The following KAZN variants were observed in gnomAD, a reference collection of about 807,000 sequenced individuals.
The protein encoded by KAZN is kazrin.
Under a neutral mutation model 87.4 loss-of-function variants are expected in KAZN, and 40 were observed. That is an observed-to-expected ratio of 0.46 (90% CI 0.36 to 0.60). The LOEUF (loss-of-function observed/expected upper bound fraction) is 0.60. KAZN is among the 20% of genes least tolerant of loss of function. The probability of loss-of-function intolerance (pLI) is 0.00; values close to 1 mark genes in which losing one functional copy is unlikely to be tolerated. For synonymous variants in KAZN, 466 were observed against 458.3 expected, an observed-to-expected ratio of 1.02 and a Z score of -0.22; for missense variants, 898 against 1,073.9, an observed-to-expected ratio of 0.84 and a Z score of 2.29.
intron 1 of KAZN, among the ~76,000 whole-genome samples, chr1:14,019,515 C>A (rs533904060): frequency 3.7e-4 from 57 of 152,262 alleles, no homozygotes; most frequent in African/African-American, 1.3e-3. Flanking sequence ...TACATCTTAT[C>A]CAGGTCCCCT....
chr1:15,020,865 T>G (rs529923974), intron 2 of KAZN, among the ~76,000 whole-genome samples: 2 of 152,134 alleles, frequency 1.3e-5, no homozygotes, highest in East Asian at 3.9e-4. Flanking sequence ...CACATCACTC[T>G]AAGGAGCGGC....
chr1:14,483,588 GA>G (rs1669193526), intron 2 of KAZN, among the ~76,000 whole-genome samples: 1 of 152,182 alleles, frequency 6.6e-6, no homozygotes, highest in Non-Finnish European at 1.5e-5. Flanking sequence ...AGAGTCTTAA[GA>G]GGTTTTGCGA....
chr1:14,523,276 A>G (rs4279844), intron 2 of KAZN, among the ~76,000 whole-genome samples: 147,414 of 152,244 alleles, frequency 0.97, 71,544 homozygotes, highest in East Asian at 1. Context: ...TTCTTCAAAG[A>G]TTCTCTCGCT....
At chr1:14,453,050 G>A (rs1018917988) in intron 2 of KAZN, among the ~76,000 whole-genome samples, 15 of 152,188 alleles carry the variant, frequency 9.9e-5, no homozygotes, top group African/African-American at 3.6e-4. Flanking sequence ...CTGCCTCCCG[G>A]GTTTATGCCA....
intron 1 of KAZN, among the ~76,000 whole-genome samples, chr1:14,789,996 T>TTTTTTTC (rs1460442088): frequency 1.3e-5 from 2 of 151,882 alleles, no homozygotes; most frequent in Non-Finnish European, 2.9e-5. Flanking sequence ...TGAATTTCTT[T>TTTTTTTC]TTTTTTCTTT....
intron 1 of KAZN, among the ~76,000 whole-genome samples, chr1:13,945,473 CAAAA>C (rs35661143): frequency 2.7e-5 from 3 of 110,290 alleles, no homozygotes; most frequent in Non-Finnish European, 3.9e-5. Flanking sequence ...GAGTCCGTCT[CAAAA>C]AAAAAAAAAA....
At chr1:14,181,372 T>C (rs1322040152) in intron 2 of KAZN, among the ~76,000 whole-genome samples, 1 of 152,266 alleles carries the variant, frequency 6.6e-6, no homozygotes, top group Non-Finnish European at 1.5e-5. Flanking sequence ...CTGTTCAGCA[T>C]TGCTGAGGTC....
chr1:14,042,543 C>T (rs2101408405), intron 1 of KAZN, among the ~76,000 whole-genome samples: 1 of 152,352 alleles, frequency 6.6e-6, no homozygotes, highest in South Asian at 2.1e-4. Context: ...ATTTAACTTT[C>T]TTCTGCTCAC....
chr1:14,748,866 T>C (rs1644333800), intron 1 of KAZN, among the ~76,000 whole-genome samples: 1 of 152,188 alleles, frequency 6.6e-6, no homozygotes. Flanking sequence ...AGTACTGACC[T>C]GACCCCTTAC....
rs1266239255 is a variant in KAZN at position 14,459,390 on chromosome 1, G to A, written c.250-139593G>A. The stretch of plus-strand genomic sequence containing the variant: ...AGGCTCTTTGTGTGATTAATGTGAG[G>A]CAGAAATTGTGGCCAAGGGGAAAAA... On this transcript the variant is annotated intron_variant, in intron 2 of 16. Coordinates refer to the KAZN transcript ENST00000636203. 2.6e-5 allele frequency among the ~76,000 whole-genome samples: 4 copies of A among 151,836 alleles called. No individual in the cohort carries two copies. The East Asian group carries it at 7.8e-4, about 29-fold the overall frequency.
chr1:14,284,494 G>A (rs943371901), intron 2 of KAZN, among the ~76,000 whole-genome samples: 1 of 151,934 alleles, frequency 6.6e-6, no homozygotes, highest in Non-Finnish European at 1.5e-5. Flanking sequence ...AGAAAGGGAT[G>A]GAGAGCAAGG....
At chr1:14,410,689 G>C (rs143380151) in intron 2 of KAZN, among the ~76,000 whole-genome samples, 1 of 152,192 alleles carries the variant, frequency 6.6e-6, no homozygotes, top group African/African-American at 2.4e-5. Context: ...AGGGAAGTAG[G>C]GGAGATTTCA....
upstream of KAZN, among the ~76,000 whole-genome samples, chr1:14,594,020 TTCTC>T (rs1180119542): frequency 2.0e-5 from 3 of 152,198 alleles, no homozygotes; most frequent in African/African-American, 4.8e-5. Context: ...GGGTCTCTCT[TTCTC>T]TGTCTGTAAA....
At chr1:13,948,129 T>A (rs1303763833) in intron 1 of KAZN, among the ~76,000 whole-genome samples, 1 of 152,166 alleles carries the variant, frequency 6.6e-6, no homozygotes, top group African/African-American at 2.4e-5. Context: ...AGAACTGATT[T>A]CTTGGTATGG....
Position 14,773,228 on chromosome 1 carries a change from G to A in KAZN, c.226+174005G>A, listed in dbSNP as rs2100601948. On this transcript the variant is annotated intron_variant, in intron 1 of 14. Transcript: ENST00000376030. This position sits in a 1 kb window ranked among gnomAD's most constrained non-coding sequence, Gnocchi z 5.9. Reference sequence around the variant, plus strand: ...GACAAAGACGGCCCCAACACTTCCGGAAGAGATCTGATACTGAGATCCCGC... The same window carrying A: ...GACAAAGACGGCCCCAACACTTCCGAAAGAGATCTGATACTGAGATCCCGC... 6.6e-6 allele frequency among the ~76,000 whole-genome samples: 1 copy of A among 152,222 alleles called. No homozygotes were observed. Among genetic ancestry groups the A allele is most frequent in the Admixed American group, 6.5e-5 (1 of 15,300 alleles).
chr1:14,961,453 T>A (rs921578530), intron 2 of KAZN, among the ~76,000 whole-genome samples: 4 of 152,234 alleles, frequency 2.6e-5, no homozygotes, highest in African/African-American at 9.6e-5. Context: ...AGGAAACCGC[T>A]GTCCACATGC....
At chr1:14,576,159 T>A (rs1675165990) in intron 2 of KAZN, among the ~76,000 whole-genome samples, 1 of 152,242 alleles carries the variant, frequency 6.6e-6, no homozygotes, top group Admixed American at 6.5e-5. Context: ...AAGCCTTAGT[T>A]GTCACATTTG....
At chr1:14,424,643 A>G (rs1207010957) in intron 2 of KAZN, among the ~76,000 whole-genome samples, 1 of 152,242 alleles carries the variant, frequency 6.6e-6, no homozygotes, top group African/African-American at 2.4e-5. Context: ...TGCCCACGAA[A>G]GGGACCTTGT....
chr1:14,599,419 G>A lies in KAZN; in HGVS notation c.226+196G>A, dbSNP rs1446126646. Among the ~76,000 whole-genome samples the A allele has an allele frequency of 6.6e-6, 1 of 152,012 alleles. No individual in the cohort carries two copies. The highest frequency in any genetic ancestry group is 1.5e-5 in the Non-Finnish European group (1 of 67,978). On this transcript the variant is annotated intron_variant, in intron 1 of 14. Coordinates refer to ENST00000376030, the MANE Select transcript of KAZN (RefSeq NM_201628.3). This position sits in a 1 kb window ranked among gnomAD's most constrained non-coding sequence, Gnocchi z 4.4. ...AGGCTGCTGTCATTCACGAAAACCC[G>A]AGCGCAGTGTGCACGGGGTCACACG...
Sources: gnomAD v4.1 joint callset for allele counts (sites outside exome capture counted in the v4.1 genomes callset) on GRCh38, gnomAD v4.1.1 for gene constraint, Gnocchi (gnomAD v3.1) non-coding constraint, MANE v1.5 for transcripts, NCBI Gene and HGNC (gene_info 2026-07-23, HGNC 2026-07-21) for gene names.